The following GRID2 variants were observed in gnomAD, a reference collection of about 807,000 sequenced individuals.
The protein encoded by GRID2 is glutamate ionotropic receptor delta type subunit 2, also known as glutamate receptor ionotropic, delta-2.
A neutral mutation model predicts 114.8 loss-of-function variants in GRID2; 33 were observed. That is an observed-to-expected ratio of 0.29 (90% confidence interval 0.22 to 0.38). The LOEUF (loss-of-function observed/expected upper bound fraction) is 0.38, where lower values mean the gene tolerates loss of function less well. Ranked by LOEUF, GRID2 falls within the 10% of genes least tolerant of loss-of-function variation. The probability of loss-of-function intolerance (pLI) is 1.00; values close to 1 mark genes in which losing one functional copy is unlikely to be tolerated. For missense variants in GRID2, 1,184 were observed against 1,257.7 expected (o/e 0.94, Z 0.89); for synonymous variants, 505 against 449.9 (o/e 1.12, Z -1.55).
At chr4:93,407,757 G>GTCCTCC (rs1417763940) in intron 9 of GRID2, among the ~76,000 whole-genome samples, 1 of 21,856 alleles carries the variant, frequency 4.6e-5, no homozygotes, top group African/African-American at 1.7e-4. Flanking sequence ...CCTCCTCCTC[G>GTCCTCC]TCCTCCTCCT....
intron 14 of GRID2, among the ~76,000 whole-genome samples, chr4:93,764,680 C>A (rs1331929527): frequency 6.6e-6 from 1 of 152,086 alleles, no homozygotes; most frequent in Non-Finnish European, 1.5e-5. Context: ...AGATTTTAGC[C>A]GTTAGTTCAT....
chr4:92,687,419 T>A (rs975363602), intron 2 of GRID2, among the ~76,000 whole-genome samples: 2 of 152,176 alleles, frequency 1.3e-5, no homozygotes, highest in African/African-American at 4.8e-5. Context: ...AATAAAGCAA[T>A]TCACACACTG....
intron 4 of GRID2, among the ~76,000 whole-genome samples, chr4:93,112,500 C>T (rs1732866394): frequency 6.6e-6 from 1 of 152,126 alleles, no homozygotes; most frequent in African/African-American, 2.4e-5. Context: ...TCTCTCCTGC[C>T]TCCTTGTGAA....
intron 7 of GRID2, among the ~76,000 whole-genome samples, chr4:93,225,739 A>G (rs1254101256): frequency 3.3e-5 from 5 of 152,228 alleles, no homozygotes; most frequent in Non-Finnish European, 7.3e-5. Flanking sequence ...AATAGAGAAT[A>G]GCCTGGATCT....
At chr4:92,851,400 T>C (rs952080101) in intron 2 of GRID2, among the ~76,000 whole-genome samples, 8 of 151,948 alleles carry the variant, frequency 5.3e-5, no homozygotes, top group African/African-American at 1.9e-4. Flanking sequence ...AAATGCATAG[T>C]AAATCATTGA....
intron 14 of GRID2, among the ~76,000 whole-genome samples, chr4:93,673,079 A>T (rs1343404685): frequency 6.6e-6 from 1 of 152,222 alleles, no homozygotes; most frequent in Admixed American, 6.5e-5. Context: ...ACTGAAGTAC[A>T]CTACACATTG....
intron 2 of GRID2, among the ~76,000 whole-genome samples, chr4:92,850,594 C>A (rs987598622): frequency 5.3e-5 from 8 of 151,746 alleles, no homozygotes; most frequent in Non-Finnish European, 8.8e-5. Flanking sequence ...TTATTTCTTA[C>A]CCATATATTT....
At chr4:92,499,967 A>G (rs1052639352) in intron 1 of GRID2, among the ~76,000 whole-genome samples, 1 of 152,206 alleles carries the variant, frequency 6.6e-6, no homozygotes, top group Non-Finnish European at 1.5e-5. Flanking sequence ...CAAATAATTG[A>G]TATTTTAAAT....
chr4:93,119,075 T>C (rs1733541577), intron 4 of GRID2, among the ~76,000 whole-genome samples: 2 of 152,330 alleles, frequency 1.3e-5, no homozygotes. Context: ...GGAGAAATTA[T>C]GTAGCATTGA....
At chr4:92,673,705 G>A (rs1458972247) in intron 2 of GRID2, among the ~76,000 whole-genome samples, 1 of 151,866 alleles carries the variant, frequency 6.6e-6, no homozygotes, top group South Asian at 2.1e-4. Flanking sequence ...TTGAATTCTG[G>A]CTGGCATTGT....
chr4:93,422,862 A>C lies in GRID2; in HGVS notation c.1439A>C (p.Asn480Thr). The change falls in exon 10 of 16, where the codon AAC (asparagine) becomes ACC (threonine). Residue 480 changes from asparagine to threonine, a missense_variant. Transcript: ENST00000282020. ...FSIDVLDALS[N>T]YLGFNYEIYV... is the part of the protein sequence containing the mutation. Reference sequence around the variant, plus strand: ...ATTGATGTTTTGGATGCCTTATCTAACTACCTGGGTTTTAACTACGAAATT... The same window carrying C: ...ATTGATGTTTTGGATGCCTTATCTACCTACCTGGGTTTTAACTACGAAATT... 6.2e-7 allele frequency: 1 copy of C among 1,613,342 alleles called. No individual in the cohort carries two copies. Among genetic ancestry groups the C allele is most frequent in the South Asian group, 1.1e-5 (1 of 91,056 alleles).
At chr4:92,490,068 T>A (rs1311175937) in intron 1 of GRID2, among the ~76,000 whole-genome samples, 2 of 152,140 alleles carry the variant, frequency 1.3e-5, no homozygotes, top group African/African-American at 4.8e-5. Context: ...TAAAATAACT[T>A]ATTTAACTGT....
chr4:93,558,708 C>T (rs555319318), intron 13 of GRID2, among the ~76,000 whole-genome samples: 45 of 152,086 alleles, frequency 3.0e-4, no homozygotes, highest in South Asian at 1.0e-3. Context: ...CAATAGAAAA[C>T]GAGGGAATCC....
intron 8 of GRID2, among the ~76,000 whole-genome samples, chr4:93,268,918 G>C (rs901651311): frequency 1.3e-5 from 2 of 152,100 alleles, no homozygotes; most frequent in African/African-American, 4.8e-5. Flanking sequence ...CTGAGTGAAC[G>C]AGTCTCCCTT....
chr4:92,354,152 C>T (rs142175118), intron 1 of GRID2, among the ~76,000 whole-genome samples: 7 of 151,986 alleles, frequency 4.6e-5, no homozygotes, highest in African/African-American at 1.7e-4. Context: ...CAGGGACCAG[C>T]GTTCCTCACT....
chr4:92,684,563 G>A (rs1363813533), intron 2 of GRID2, among the ~76,000 whole-genome samples: 1 of 151,960 alleles, frequency 6.6e-6, no homozygotes, highest in Non-Finnish European at 1.5e-5. Flanking sequence ...GAATTACAAT[G>A]ATCAAATTGT....
intron 2 of GRID2, among the ~76,000 whole-genome samples, chr4:92,835,265 A>G (rs1742376262): frequency 6.6e-6 from 1 of 151,710 alleles, no homozygotes. Context: ...AAACAAAGGT[A>G]GGAAGGAGGA....
At chr4:92,868,066 T>TCTGTCTG (rs1560653255) in intron 2 of GRID2, among the ~76,000 whole-genome samples, 58 of 123,314 alleles carry the variant, frequency 4.7e-4, no homozygotes, top group Non-Finnish European at 8.3e-4. Context: ...CTTTCTTTCT[T>TCTGTCTG]TCTGTCTGTC....
At chr4:93,513,101 C>A (rs1451730914) in intron 12 of GRID2, among the ~76,000 whole-genome samples, 1 of 152,044 alleles carries the variant, frequency 6.6e-6, no homozygotes, top group African/African-American at 2.4e-5. Flanking sequence ...AGCCAAGGGC[C>A]CAATCTTGTA....
Sources: gnomAD v4.1 joint callset for allele counts (sites outside exome capture counted in the v4.1 genomes callset) on GRCh38, gnomAD v4.1.1 for gene constraint, MANE v1.5 for transcripts, NCBI Gene and HGNC (gene_info 2026-07-23, HGNC 2026-07-21) for gene names.